The following RAP1GAP2 variants were observed in gnomAD, a reference collection of about 807,000 sequenced individuals.
The protein encoded by RAP1GAP2 is RAP1 GTPase activating protein 2, also known as rap1 GTPase-activating protein 2.
A neutral mutation model predicts 95.0 loss-of-function variants in RAP1GAP2; 27 were observed. The observed-to-expected ratio is 0.28, with a 90% CI of 0.21 to 0.39. RAP1GAP2 has a LOEUF of 0.39. Ranked by LOEUF, RAP1GAP2 falls within the 10% of genes least tolerant of loss-of-function variation. The pLI is 1.00. For synonymous variants in RAP1GAP2, 373 were observed against 380.9 expected (o/e 0.98, Z 0.24); for missense variants, 771 against 970.0 (o/e 0.79, Z 2.72).
At chr17:2,779,298 G>C (rs2068581677) in intron 1 of RAP1GAP2, among the ~76,000 whole-genome samples, 1 of 152,182 alleles carries the variant, frequency 6.6e-6, no homozygotes, top group Non-Finnish European at 1.5e-5. Flanking sequence ...TTGAATTTTT[G>C]AACATGGTGA....
intron 9 of RAP1GAP2, 143 bp from the exon 10 acceptor site, chr17:2,981,052 A>G: frequency 1.5e-6 from 1 of 666,168 alleles, no homozygotes; most frequent in Non-Finnish European, 2.6e-6. Context: ...GGCACGTGTT[A>G]GTGAGCAGCA....
intron 16 of RAP1GAP2, 131 bp from the exon 17 acceptor site, chr17:3,007,880 A>C: frequency 9.3e-7 from 1 of 1,077,198 alleles, no homozygotes; most frequent in Non-Finnish European, 1.3e-6. Flanking sequence ...GCTCAGCAGT[A>C]GGTCCACACC....
At chr17:2,886,814 G>A (rs1490364394) in intron 2 of RAP1GAP2, among the ~76,000 whole-genome samples, 2 of 152,114 alleles carry the variant, frequency 1.3e-5, no homozygotes, top group African/African-American at 4.8e-5. Context: ...GGGATCCAAA[G>A]CAGCAGTGCA....
At chr17:3,031,989 C>T (rs532771817) in intron 23 of RAP1GAP2, among the ~76,000 whole-genome samples, 270 of 149,276 alleles carry the variant, frequency 1.8e-3, no homozygotes, top group African/African-American at 6.2e-3. Flanking sequence ...CCAGTCCCTT[C>T]CTGAGCTCTC....
At chr17:3,011,039 A>C (rs954380532) in intron 17 of RAP1GAP2, among the ~76,000 whole-genome samples, 2 of 151,648 alleles carry the variant, frequency 1.3e-5, no homozygotes, top group African/African-American at 4.8e-5. Context: ...TGATTATCCT[A>C]CCTCAGCCTC....
chr17:2,822,736 A>G (rs1277599736), intron 2 of RAP1GAP2, among the ~76,000 whole-genome samples: 5 of 129,774 alleles, frequency 3.9e-5, no homozygotes, highest in African/African-American at 5.9e-5. Context: ...TTTAAGTTTT[A>G]GCGTACATGT....
upstream of RAP1GAP2, among the ~76,000 whole-genome samples, chr17:2,791,858 T>TC (rs544581494): frequency 1.0e-4 from 14 of 133,992 alleles, no homozygotes; most frequent in African/African-American, 3.8e-4. Context: ...CTTTTCTCTC[T>TC]TTTTTTTTTT....
At chr17:2,938,284 T>C (rs1437307416) in intron 3 of RAP1GAP2, among the ~76,000 whole-genome samples, 1 of 152,164 alleles carries the variant, frequency 6.6e-6, no homozygotes, top group Non-Finnish European at 1.5e-5. Context: ...GTTAGTAGCT[T>C]GTCTGCCCCA....
chr17:3,026,179 C>G (rs564438728), intron 20 of RAP1GAP2, 58 bp downstream of exon 20: 19 of 1,407,546 alleles, frequency 1.3e-5, no homozygotes, highest in South Asian at 1.3e-4. Context: ...TGGAACACGC[C>G]CTCTGCCTCC....
intron 2 of RAP1GAP2, among the ~76,000 whole-genome samples, chr17:2,806,567 A>AT (rs939063105): frequency 4.1e-5 from 6 of 145,162 alleles, no homozygotes; most frequent in Non-Finnish European, 7.6e-5. Flanking sequence ...TACTTTTTGT[A>AT]TTTTTTTTTA....
intron 12 of RAP1GAP2, among the ~76,000 whole-genome samples, chr17:2,992,764 C>T (rs539136666): frequency 6.6e-6 from 1 of 152,238 alleles, no homozygotes; most frequent in South Asian, 2.1e-4. Flanking sequence ...TTTTCCTTTC[C>T]TCTCTTCCTC....
At position 2,891,709 on chromosome 17, in the gene RAP1GAP2, G is replaced by GA. The variant is rs913423363; in HGVS notation, c.81-13571dup. The stretch of plus-strand genomic sequence containing the variant: ...TTGCCTGGGTGTGAAATTTTAGGTT[G>GA]AAAATAATTTTCTTTGAGAATTTTG... On this transcript the variant is annotated intron_variant, in intron 2 of 24. Transcript: ENST00000254695. Among the ~76,000 whole-genome samples, 22 of 149,760 alleles carry GA rather than the reference G, an allele frequency of 1.5e-4. 2 individuals carry two copies. The highest frequency in any genetic ancestry group is 1.2e-3 in the Admixed American group (18 of 14,774).
chr17:2,872,948 C>A (rs1248120953), intron 2 of RAP1GAP2, among the ~76,000 whole-genome samples: 1 of 151,754 alleles, frequency 6.6e-6, no homozygotes, highest in Non-Finnish European at 1.5e-5. Context: ...AGTAAAAATA[C>A]AAAAATTAGC....
chr17:2,893,667 G>A (rs914358456), intron 2 of RAP1GAP2, among the ~76,000 whole-genome samples: 1 of 152,220 alleles, frequency 6.6e-6, no homozygotes, highest in Admixed American at 6.5e-5. Flanking sequence ...GCCGGAGGCC[G>A]TGACCTTGTG....
intron 2 of RAP1GAP2, among the ~76,000 whole-genome samples, chr17:2,828,788 TCTC>T (rs2070702096): frequency 1.3e-5 from 2 of 152,070 alleles, no homozygotes; most frequent in South Asian, 4.1e-4. Flanking sequence ...TCCTGGCTGT[TCTC>T]CTTCCCCAAC....
chr17:2,889,889 A>ATATATTTTTTTTTTT (rs1408426152), intron 2 of RAP1GAP2, among the ~76,000 whole-genome samples: 3 of 57,324 alleles, frequency 5.2e-5, no homozygotes, highest in Non-Finnish European at 9.2e-5. Flanking sequence ...ATATATATAT[A>ATATATTTTTTTTTTT]TTTTTTTTTT....
chr17:2,776,619 G>A (rs2068505387), upstream of RAP1GAP2, among the ~76,000 whole-genome samples: 1 of 151,794 alleles, frequency 6.6e-6, no homozygotes, highest in Non-Finnish European at 1.5e-5. Context: ...GCGCGCCCCG[G>A]GTGGCGGAGG....
At chr17:2,783,439 G>A (rs2068703658) in intron 1 of RAP1GAP2, among the ~76,000 whole-genome samples, 1 of 152,182 alleles carries the variant, frequency 6.6e-6, no homozygotes. Flanking sequence ...ACACAGTAGG[G>A]ATGCAATAAA....
chr17:2,948,204 G>A (rs377093924), intron 3 of RAP1GAP2, among the ~76,000 whole-genome samples: 297 of 152,332 alleles, frequency 1.9e-3, no homozygotes, highest in Non-Finnish European at 3.0e-3. Flanking sequence ...CTCAGACAGC[G>A]TGGTTCTGTG....
Sources: allele counts gnomAD v4.1 joint callset (sites outside exome capture counted in the v4.1 genomes callset), GRCh38; gene constraint gnomAD v4.1.1; transcripts MANE v1.5; gene names NCBI Gene and HGNC (gene_info 2026-07-23, HGNC 2026-07-21).